ACOT7: variants seen among roughly 807,000 people sequenced by gnomAD.
The protein encoded by ACOT7 is cytosolic acyl coenzyme A thioester hydrolase.
A neutral mutation model predicts 40.2 loss-of-function variants in ACOT7; 12 were observed. That is an observed-to-expected ratio of 0.30 (90% confidence interval 0.19 to 0.48). The LOEUF (loss-of-function observed/expected upper bound fraction) is 0.48, where lower values mean the gene tolerates loss of function less well. Ranked by LOEUF, ACOT7 falls within the 20% of genes least tolerant of loss-of-function variation. The pLI, the probability that ACOT7 is intolerant of heterozygous loss-of-function variation, is 0.99. For synonymous variants in ACOT7, 228 were observed against 219.5 expected, an observed-to-expected ratio of 1.04 and a Z score of -0.34; for missense variants, 395 against 530.8, an observed-to-expected ratio of 0.74 and a Z score of 2.51.
chr1:6,291,023 G>A (rs1452971029), intron 7 of ACOT7, among the ~76,000 whole-genome samples: 1 of 152,190 alleles, frequency 6.6e-6, no homozygotes, highest in East Asian at 1.9e-4. Context: ...CAGAGACAGA[G>A]GCAGCTTGGG....
chr1:6,378,588 G>A (rs996268960), intron 1 of ACOT7, among the ~76,000 whole-genome samples: 3 of 151,944 alleles, frequency 2.0e-5, no homozygotes, highest in Non-Finnish European at 2.9e-5. Context: ...TGAACCTCCA[G>A]CCCTGAGGCC....
chr1:6,339,680 C>T, intron 2 of ACOT7, 91 bp from the exon 3 acceptor site: 1 of 1,489,168 alleles, frequency 6.7e-7, no homozygotes, highest in Non-Finnish European at 9.0e-7. Flanking sequence ...CGGTCTTTGC[C>T]TTTGCTTTCA....
chr1:6,285,103 A>G (rs1639465455), intron 7 of ACOT7, among the ~76,000 whole-genome samples: 1 of 152,186 alleles, frequency 6.6e-6, no homozygotes, highest in South Asian at 2.1e-4. Context: ...CCACGAGGGC[A>G]GGGCTGGGCC....
At chr1:6,349,421 A>G (rs1378487571) in intron 2 of ACOT7, among the ~76,000 whole-genome samples, 1 of 152,172 alleles carries the variant, frequency 6.6e-6, no homozygotes, top group Non-Finnish European at 1.5e-5. Flanking sequence ...CCATCACAAT[A>G]AACTCCACCC....
intron 8 of ACOT7, among the ~76,000 whole-genome samples, chr1:6,265,208 C>A (rs189096749): frequency 6.6e-6 from 1 of 151,930 alleles, no homozygotes; most frequent in East Asian, 1.9e-4. Flanking sequence ...AGTCACCACC[C>A]CGCAGAGAAG....
chr1:6,342,227 G>A (rs1641296142), intron 2 of ACOT7, among the ~76,000 whole-genome samples: 1 of 152,124 alleles, frequency 6.6e-6, no homozygotes, highest in South Asian at 2.1e-4. Flanking sequence ...CTCACGTGGT[G>A]GCCGGGGCAA....
rs1454777508 is a variant in ACOT7, at chr1:6,282,770, G to A, written c.830-1484C>T. On this transcript the variant is annotated intron_variant, in intron 7 of 8. Transcript: ENST00000361521. The surrounding 1 kb of genome is among the most constrained non-coding windows in gnomAD (Gnocchi z 4.5). ...CTGGGAGAGGAGGAAGGAGCTGTGT[G>A]GTCAGCGCCAGCAGGCATTACGTGA... 2 of 1,304,292 alleles carry A rather than the reference G, an allele frequency of 1.5e-6. No individual in the cohort carries two copies. The highest frequency in any genetic ancestry group is 5.5e-5 in the East Asian group (1 of 18,030). The allele number at this position is 1,304,292 out of a possible 1,614,324, so 80.8% of individuals were successfully genotyped here.
At chr1:6,380,728 A>C (rs1642319264) in intron 1 of ACOT7, among the ~76,000 whole-genome samples, 1 of 151,172 alleles carries the variant, frequency 6.6e-6, no homozygotes, top group Non-Finnish European at 1.5e-5. Context: ...AAAAAAAAAA[A>C]CTCAAAATGG....
At chr1:6,304,087 CAGTG>C (rs1640047575) in intron 6 of ACOT7, among the ~76,000 whole-genome samples, 1 of 152,136 alleles carries the variant, frequency 6.6e-6, no homozygotes, top group Non-Finnish European at 1.5e-5. Flanking sequence ...AAGGACAGGC[CAGTG>C]AGAGGCTGCG....
chr1:6,355,777 A>G lies in ACOT7; in HGVS notation c.144-5911T>C, dbSNP rs1641726045. ...CAGCACTCATCCCAAGAGCGCCTAC[A>G]GCAGCGGCCCTGGGGTCCAGCCCAC... On this transcript the variant is annotated intron_variant, in intron 1 of 8. Coordinates refer to ENST00000361521, the MANE Select transcript of ACOT7 (RefSeq NM_007274.4). The surrounding 1 kb of genome is among the most constrained non-coding windows in gnomAD (Gnocchi z 5.0). 6.6e-6 allele frequency among the ~76,000 whole-genome samples: 1 copy of G among 152,234 alleles called. No individual in the cohort carries two copies.
chr1:6,378,589 C>T (rs1279866861), intron 1 of ACOT7, among the ~76,000 whole-genome samples: 3 of 152,078 alleles, frequency 2.0e-5, no homozygotes, highest in East Asian at 3.9e-4. Context: ...GAACCTCCAG[C>T]CCTGAGGCCA....
chr1:6,315,061 G>A (rs906935377), intron 6 of ACOT7, among the ~76,000 whole-genome samples: 6 of 152,186 alleles, frequency 3.9e-5, no homozygotes, highest in African/African-American at 1.4e-4. Flanking sequence ...GTGAGCTAGT[G>A]TCTGGTGGGA....
rs1356589097 is a variant in ACOT7 at position 6,275,197 on chromosome 1, C to G, written c.1014+5905G>C. Among the ~76,000 whole-genome samples the G allele has an allele frequency of 6.6e-6, 1 of 152,204 alleles. No homozygotes were observed. Among genetic ancestry groups the G allele is most frequent in the Non-Finnish European group, 1.5e-5 (1 of 68,038 alleles). On this transcript the variant is annotated intron_variant, in intron 8 of 8. Transcript: ENST00000361521. This position sits in a 1 kb window ranked among gnomAD's most constrained non-coding sequence, Gnocchi z 5.6. ...CCCTGCCCCTCCAGTCCCTTGCCCA[C>G]CCAGGAGACAGGCAGCAGCCTCTGC... is the stretch of plus-strand genomic sequence containing the variant.
intron 6 of ACOT7, among the ~76,000 whole-genome samples, chr1:6,304,606 A>C (rs1220155827): frequency 3.8e-5 from 5 of 132,364 alleles, no homozygotes; most frequent in Middle Eastern, 3.4e-3. Context: ...CTTAACGAGC[A>C]TGCTGCCTTC....
chr1:6,372,997 G>A (rs972709234), intron 1 of ACOT7, among the ~76,000 whole-genome samples: 2 of 152,128 alleles, frequency 1.3e-5, no homozygotes, highest in African/African-American at 4.8e-5. Context: ...GGAAATAGCC[G>A]GTCAGTGGGG....
intron 1 of ACOT7, chr1:6,360,460 G>T: frequency 6.9e-7 from 1 of 1,447,620 alleles, no homozygotes. Context: ...CAGGGCCAGG[G>T]TCTTGAAGCC....
At chr1:6,333,597 C>A in intron 3 of ACOT7, 29 bp from the exon 4 acceptor site, 1 of 1,610,802 alleles carries the variant, frequency 6.2e-7, no homozygotes. Flanking sequence ...CATTAAGTGA[C>A]GCCCGGGAGA....
intron 6 of ACOT7, among the ~76,000 whole-genome samples, chr1:6,305,699 T>C (rs1433668252): frequency 3.4e-5 from 5 of 145,762 alleles, no homozygotes; most frequent in Non-Finnish European, 6.0e-5. Flanking sequence ...CTCCTCACTT[T>C]CCAGACTGGG....
chr1:6,305,026 G>A (rs1640091615), intron 6 of ACOT7, among the ~76,000 whole-genome samples: 1 of 147,960 alleles, frequency 6.8e-6, no homozygotes, highest in South Asian at 2.1e-4. Context: ...GCGGGGCGCT[G>A]ACCCCCCCGC....
Sources: gnomAD v4.1 joint callset for allele counts (sites outside exome capture counted in the v4.1 genomes callset) on GRCh38, gnomAD v4.1.1 for gene constraint, Gnocchi (gnomAD v3.1) non-coding constraint, MANE v1.5 for transcripts, NCBI Gene and HGNC (gene_info 2026-07-23, HGNC 2026-07-21) for gene names.